Variants in COG4 observed in about 807,000 individuals in gnomAD.
The protein encoded by COG4 is component of oligomeric golgi complex 4.
A neutral mutation model predicts 95.1 loss-of-function variants in COG4; 65 were observed. The ratio of observed to expected loss-of-function variants is 0.68; its 90% CI spans 0.56 to 0.84. The LOEUF (loss-of-function observed/expected upper bound fraction) is 0.84, where lower values mean the gene tolerates loss of function less well. COG4 is among the 40% of genes least tolerant of loss of function. The probability of loss-of-function intolerance (pLI) is 0.00; values close to 1 mark genes in which losing one functional copy is unlikely to be tolerated. For missense variants in COG4, 1,045 were observed against 989.1 expected, an observed-to-expected ratio of 1.06 and a Z score of -0.76; for synonymous variants, 421 against 374.8, an observed-to-expected ratio of 1.12 and a Z score of -1.42.
At chr16:70,509,163 A>G (rs1367154452) in intron 7 of COG4, 68 bp downstream of exon 7, 1 of 1,593,244 alleles carries the variant, frequency 6.3e-7, no homozygotes, top group East Asian at 2.2e-5. Context: ...CAAACCCTAC[A>G]ATTTATTCTA....
chr16:70,489,576 C>T (rs1249083896), intron 13 of COG4, among the ~76,000 whole-genome samples: 4 of 150,872 alleles, frequency 2.7e-5, no homozygotes, highest in Admixed American at 2.0e-4. Flanking sequence ...GAGGTCTCAC[C>T]ACATTGCCCA....
chr16:70,511,328 G>C (rs1222260260), intron 5 of COG4, among the ~76,000 whole-genome samples: 1 of 152,048 alleles, frequency 6.6e-6, no homozygotes, highest in Non-Finnish European at 1.5e-5. Context: ...ACATGTTACA[G>C]AATAAAATAT....
chr16:70,502,197 G>A lies in COG4; in HGVS notation c.1062-1106C>T, dbSNP rs192640387. 1.5e-3 allele frequency among the ~76,000 whole-genome samples: 210 copies of A among 144,614 alleles called. 2 individuals carry two copies. Among genetic ancestry groups the A allele is most frequent in the Admixed American group, 2.5e-3 (34 of 13,584 alleles). The allele number at this position is 144,614 out of a possible 152,430, so 94.9% of individuals were successfully genotyped here. ...CTCGGGAGGCCAAGGCAGGAGAATCGCTTGAACCCGGGAGGCGGAGGTTGC... is the reference window on the plus strand; with the variant it reads ...CTCGGGAGGCCAAGGCAGGAGAATCACTTGAACCCGGGAGGCGGAGGTTGC... On this transcript the variant is annotated intron_variant, in intron 8 of 18. Transcript: ENST00000323786.
Position 70,523,363 on chromosome 16 carries a change from G to A in COG4, c.171+10C>T, listed in dbSNP as rs773672255. 80 of 1,613,804 alleles carry A rather than the reference G, an allele frequency of 5.0e-5. No individual in the cohort carries two copies. Among genetic ancestry groups the A allele is most frequent in the Non-Finnish European group, 6.5e-5 (77 of 1,179,918 alleles). On this transcript the variant is annotated intron_variant, in intron 1 of 18. Coordinates refer to ENST00000323786, the MANE Select transcript of COG4 (RefSeq NM_015386.3). ...ATCCTCCATGAAAAAGAAGAGGCTC[G>A]ACCCCGCACCTCCTCGCCGCAGAGC...
At chr16:70,509,185 T>C (rs781656921) in intron 7 of COG4, 46 bp downstream of exon 7, 2 of 1,611,970 alleles carry the variant, frequency 1.2e-6, no homozygotes, top group Non-Finnish European at 1.7e-6. Flanking sequence ...TCAGTGTTCC[T>C]CGCTAAAGCT....
intron 8 of COG4, among the ~76,000 whole-genome samples, chr16:70,505,807 C>T (rs1312586397): frequency 3.3e-5 from 5 of 151,092 alleles, no homozygotes; most frequent in Admixed American, 6.6e-5. Flanking sequence ...TCAGCCTGGG[C>T]GAAAGAGTGA....
chr16:70,498,223 T>C (rs1336063500), intron 9 of COG4, among the ~76,000 whole-genome samples, 168 bp from the exon 10 acceptor site: 8 of 152,232 alleles, frequency 5.3e-5, no homozygotes, highest in Admixed American at 5.2e-4. Flanking sequence ...TTTAAAAAAG[T>C]ATATCATAAA....
intron 1 of COG4, among the ~76,000 whole-genome samples, chr16:70,521,111 T>G (rs1268404961): frequency 6.6e-6 from 1 of 152,074 alleles, no homozygotes; most frequent in Non-Finnish European, 1.5e-5. Flanking sequence ...TCCCCAACTA[T>G]CTGCTATTGC....
Position 70,519,704 on chromosome 16 carries a change from G to A in COG4, c.199C>T (p.Leu67Phe). 1.2e-6 allele frequency: 2 copies of A among 1,613,906 alleles called. No homozygotes were observed. Among genetic ancestry groups the A allele is most frequent in the Non-Finnish European group, 8.5e-7 (1 of 1,179,888 alleles). Reference sequence around the variant, plus strand: ...TCAATGGTGTTTTGCTGTTCCAAAAGAGCATCCAGCTCTCTCTCCACCACT... The same window carrying A: ...TCAATGGTGTTTTGCTGTTCCAAAAAAGCATCCAGCTCTCTCTCCACCACT... Reference protein sequence around the residue: ...EKVVERELDALLEQQNTIESK... With the variant: ...EKVVERELDAFLEQQNTIESK... The change falls in exon 2 of 19, where the codon CTT becomes TTT. Residue 67 changes from leucine to phenylalanine, a missense_variant. Physicochemically the swap from Leu to Phe is conservative, Grantham distance 22. Transcript: ENST00000323786.
chr16:70,520,632 C>CAAA (rs1200697695), intron 1 of COG4, among the ~76,000 whole-genome samples: 1 of 115,286 alleles, frequency 8.7e-6, no homozygotes, highest in East Asian at 2.5e-4. Context: ...AACGCTGTCT[C>CAAA]AAAAAAAAAA....
intron 13 of COG4, among the ~76,000 whole-genome samples, chr16:70,484,443 T>C (rs1336240771): frequency 2.0e-5 from 3 of 152,236 alleles, no homozygotes; most frequent in African/African-American, 7.2e-5. Context: ...CTTTTATATT[T>C]ATTTACTTCT....
chr16:70,501,085 C>A lies in COG4; in HGVS notation c.1068G>T (p.Leu356=). The A allele has an allele frequency of 6.2e-7, 1 of 1,613,316 alleles. No homozygotes were observed. The highest frequency in any genetic ancestry group is 8.5e-7 in the Non-Finnish European group (1 of 1,179,990). The change falls in exon 9 of 19, where the codon CTG becomes CTT. Residue 356 remains leucine (L), a synonymous_variant. Coordinates refer to ENST00000323786, the MANE Select transcript of COG4 (RefSeq NM_015386.3). ...GGGTGACCTCAGTCAGGATGGGGTC[C>A]AGTTCTCTGAGACACATGGAGCAGA... is the stretch of plus-strand genomic sequence containing the variant. The part of the protein sequence containing the change: ...STTEKIEPRE[L]DPILTEVTLM...
At chr16:70,483,649 G>A (rs372251162) in intron 14 of COG4, among the ~76,000 whole-genome samples, 6 of 152,172 alleles carry the variant, frequency 3.9e-5, no homozygotes, top group African/African-American at 1.4e-4. Flanking sequence ...ACCAGATGTT[G>A]GCTTGTCAGT....
intron 5 of COG4, among the ~76,000 whole-genome samples, chr16:70,510,964 C>T (rs1337711933): frequency 2.0e-5 from 3 of 151,964 alleles, no homozygotes; most frequent in Admixed American, 2.0e-4. Flanking sequence ...AGGGTTTCAC[C>T]ATGTTGGCCA....
At position 70,523,358 on chromosome 16, in the gene COG4, G is replaced by C. The variant is rs1368778587; in HGVS notation, c.171+15C>G. 1 of 1,613,834 alleles carries C rather than the reference G, an allele frequency of 6.2e-7. No homozygotes were observed. The highest frequency in any genetic ancestry group is 1.3e-5 in the African/African-American group (1 of 74,888). On this transcript the variant is annotated intron_variant, in intron 1 of 18. Transcript: ENST00000323786. ...CCTAGATCCTCCATGAAAAAGAAGA[G>C]GCTCGACCCCGCACCTCCTCGCCGC...
At chr16:70,503,644 G>A (rs1291971321) in intron 8 of COG4, among the ~76,000 whole-genome samples, 1 of 120,100 alleles carries the variant, frequency 8.3e-6, no homozygotes, top group African/African-American at 7.7e-5. Context: ...GCCCAGGCTG[G>A]AGTGCAGTGG....
At chr16:70,517,937 CTT>C (rs201357619) in intron 2 of COG4, among the ~76,000 whole-genome samples, 197 bp from the exon 3 acceptor site, 4 of 146,606 alleles carry the variant, frequency 2.7e-5, no homozygotes, top group South Asian at 4.3e-4. Flanking sequence ...AAAATTAACT[CTT>C]TTTTTTTTTT....
At chr16:70,504,443 C>A (rs904176969) in intron 8 of COG4, among the ~76,000 whole-genome samples, 16 of 151,850 alleles carry the variant, frequency 1.1e-4, no homozygotes, top group African/African-American at 3.6e-4. Context: ...CCCCTCTCCA[C>A]TAAAAATATA....
chr16:70,515,203 A>C (rs2151762214), intron 3 of COG4, among the ~76,000 whole-genome samples: 1 of 151,928 alleles, frequency 6.6e-6, no homozygotes, highest in East Asian at 1.9e-4. Flanking sequence ...TTTTGTAGAG[A>C]CAAGGTTTTG....
Sources: gnomAD v4.1 joint callset for allele counts (sites outside exome capture counted in the v4.1 genomes callset) on GRCh38, gnomAD v4.1.1 for gene constraint, MANE v1.5 for transcripts, NCBI Gene and HGNC (gene_info 2026-07-23, HGNC 2026-07-21) for gene names.